The following CD86 variants were observed in gnomAD, a reference collection of about 807,000 sequenced individuals.
The protein encoded by CD86 is T-lymphocyte activation antigen CD86.
CD86 carries 11 observed loss-of-function variants against 32.1 expected under a neutral mutation model. The ratio of observed to expected loss-of-function variants is 0.34; its 90% CI spans 0.22 to 0.57. The LOEUF is 0.57. CD86 is among the 20% of genes least tolerant of loss of function. The pLI, the probability that CD86 is intolerant of heterozygous loss-of-function variation, is 0.86. For missense variants in CD86, 359 were observed against 398.4 expected (o/e 0.90, Z 0.84); for synonymous variants, 137 against 135.3 (o/e 1.01, Z -0.09).
At chr3:122,109,174 A>G in intron 4 of CD86, 91 bp from the exon 5 acceptor site, 1 of 1,339,732 alleles carries the variant, frequency 7.5e-7, no homozygotes, top group Non-Finnish European at 1.0e-6. Context: ...CCCTGGGGAG[A>G]GGCTGGCAGG....
intron 5 of CD86, among the ~76,000 whole-genome samples, chr3:122,115,106 TG>T (rs1415382013): frequency 6.6e-6 from 1 of 152,220 alleles, no homozygotes; most frequent in Non-Finnish European, 1.5e-5. Flanking sequence ...TGATCATGCT[TG>T]TAGAAAATCC....
chr3:122,087,520 T>A (rs757507103), intron 1 of CD86, among the ~76,000 whole-genome samples: 6 of 152,066 alleles, frequency 3.9e-5, no homozygotes, highest in Admixed American at 6.6e-5. Context: ...ACATCACACA[T>A]CATGGCTAGA....
intron 5 of CD86, among the ~76,000 whole-genome samples, chr3:122,111,850 G>A (rs547857829): frequency 3.3e-5 from 5 of 152,214 alleles, no homozygotes; most frequent in East Asian, 3.9e-4. Flanking sequence ...CAGAGGAGAC[G>A]GTCCTCAAAC....
chr3:122,108,100 A>G (rs915599179), intron 4 of CD86, among the ~76,000 whole-genome samples: 13 of 152,204 alleles, frequency 8.5e-5, no homozygotes, highest in Admixed American at 7.2e-4. Flanking sequence ...GGGGCTTGCC[A>G]CCACTATAAC....
At chr3:122,103,959 T>C in intron 3 of CD86, 112 bp downstream of exon 3, 1 of 843,060 alleles carries the variant, frequency 1.2e-6, no homozygotes, top group Non-Finnish European at 1.9e-6. Context: ...AAGGGGGGTC[T>C]ATAGAGAGAA....
Position 122,106,339 on chromosome 3 carries a change from A to G in CD86, c.542A>G (p.Glu181Gly), listed in dbSNP as rs1294344600. The G allele has an allele frequency of 6.2e-7, 1 of 1,614,142 alleles. No homozygotes were observed. Among genetic ancestry groups the G allele is most frequent in the African/African-American group, 1.3e-5 (1 of 75,050 alleles). The change falls in exon 4 of 7, where the codon GAG (glutamate) becomes GGG (glycine). Residue 181 changes from glutamate to glycine, a missense_variant. Physicochemically the swap from Glu to Gly is moderately conservative, Grantham distance 98. Coordinates refer to ENST00000330540, the MANE Select transcript of CD86 (RefSeq NM_175862.5). ...CTAAGAACCAAGAATTCAACTATCG[A>G]GTATGATGGTGTTATGCAGAAATCT... ...VLLRTKNSTI[E>G]YDGVMQKSQD... is the part of the protein sequence containing the mutation.
chr3:122,076,825 A>G (rs1029782628), intron 1 of CD86, among the ~76,000 whole-genome samples: 1 of 152,252 alleles, frequency 6.6e-6, no homozygotes, highest in Non-Finnish European at 1.5e-5. Context: ...GCAGCAAAGA[A>G]GTGATTATGA....
At chr3:122,101,489 T>G (rs997557086) in intron 2 of CD86, among the ~76,000 whole-genome samples, 1 of 98,016 alleles carries the variant, frequency 1.0e-5, no homozygotes, top group Non-Finnish European at 1.8e-5. Flanking sequence ...ACTGTGAGGC[T>G]CTACAGAAAA....
intron 2 of CD86, among the ~76,000 whole-genome samples, chr3:122,098,547 G>A: frequency 6.6e-6 from 1 of 152,148 alleles, no homozygotes; most frequent in East Asian, 1.9e-4. Flanking sequence ...GTGAGGGGAA[G>A]GGATCTGGAT....
chr3:122,066,362 G>T (rs1394400463), intron 1 of CD86, among the ~76,000 whole-genome samples: 1 of 152,100 alleles, frequency 6.6e-6, no homozygotes, highest in African/African-American at 2.4e-5. Flanking sequence ...CAGGGACAAG[G>T]CTAAGAACTT....
intron 1 of CD86, among the ~76,000 whole-genome samples, chr3:122,086,997 G>A (rs968502212): frequency 1.3e-5 from 2 of 152,194 alleles, no homozygotes; most frequent in South Asian, 4.1e-4. Context: ...GGCAAGTACT[G>A]TGACCTCTCT....
chr3:122,097,272 G>A (rs1351126220), intron 2 of CD86, among the ~76,000 whole-genome samples: 1 of 152,104 alleles, frequency 6.6e-6, no homozygotes, highest in African/African-American at 2.4e-5. Flanking sequence ...ACAATTGCAG[G>A]TACTGGAAAT....
At chr3:122,106,897 G>T (rs2073101497) in intron 4 of CD86, among the ~76,000 whole-genome samples, 1 of 141,336 alleles carries the variant, frequency 7.1e-6, no homozygotes, top group Non-Finnish European at 1.5e-5. Flanking sequence ...ACATACAAAT[G>T]ATATTTATTG....
At chr3:122,078,546 A>G (rs78074583) in intron 1 of CD86, among the ~76,000 whole-genome samples, 5,678 of 152,216 alleles carry the variant, frequency 0.037, 137 homozygotes, top group African/African-American at 0.069. Flanking sequence ...ACCCTTCCCC[A>G]ATATTTCTTC....
chr3:122,075,774 A>C (rs927861059), intron 1 of CD86, among the ~76,000 whole-genome samples: 5 of 152,178 alleles, frequency 3.3e-5, no homozygotes, highest in African/African-American at 9.7e-5. Context: ...ATATCATTCT[A>C]CGTTACAGCA....
chr3:122,108,291 T>C (rs997533890), intron 4 of CD86, among the ~76,000 whole-genome samples: 2 of 152,208 alleles, frequency 1.3e-5, no homozygotes, highest in Admixed American at 1.3e-4. Flanking sequence ...AGGGGCCTTT[T>C]TTGCATGTTA....
intron 1 of CD86, among the ~76,000 whole-genome samples, chr3:122,077,560 A>G (rs542802929): frequency 1.3e-5 from 2 of 152,308 alleles, no homozygotes; most frequent in South Asian, 4.1e-4. Context: ...CGTGGAGCTC[A>G]GTGCCTGTCA....
chr3:122,100,150 G>T (rs1351418780), intron 2 of CD86, among the ~76,000 whole-genome samples: 1 of 152,180 alleles, frequency 6.6e-6, no homozygotes, highest in African/African-American at 2.4e-5. Context: ...TTGAGGCAAG[G>T]TTGTTAGACT....
chr3:122,077,873 G>A (rs754040519), intron 1 of CD86: 85 of 985,302 alleles, frequency 8.6e-5, no homozygotes, highest in East Asian at 2.3e-4. Flanking sequence ...GAGTTCTACC[G>A]TCAGTCCTGG....
Sources: gnomAD v4.1 joint callset for allele counts (sites outside exome capture counted in the v4.1 genomes callset) on GRCh38, gnomAD v4.1.1 for gene constraint, MANE v1.5 for transcripts, NCBI Gene and HGNC (gene_info 2026-07-23, HGNC 2026-07-21) for gene names.